The following ABHD8 variants were observed in gnomAD, a reference collection of about 807,000 sequenced individuals.
The protein encoded by ABHD8 is protein ABHD8.
In ABHD8, 10 loss-of-function variants were observed where a neutral mutation model predicts 29.3. That is an observed-to-expected ratio of 0.34 (90% CI 0.21 to 0.58). The LOEUF is 0.58. Ranked by LOEUF, ABHD8 falls within the 20% of genes least tolerant of loss-of-function variation. ABHD8 has a pLI of 0.85. For synonymous variants in ABHD8, 282 were observed against 274.6 expected, an observed-to-expected ratio of 1.03 and a Z score of -0.27; for missense variants, 556 against 615.3, an observed-to-expected ratio of 0.90 and a Z score of 1.02.
chr19:17,293,829 G>A (rs2074081517), intron 4 of ABHD8, among the ~76,000 whole-genome samples: 1 of 151,960 alleles, frequency 6.6e-6, no homozygotes, highest in African/African-American at 2.4e-5. Context: ...AAGTTGCAGC[G>A]ATTATTGGCG....
Position 17,292,481 on chromosome 19 carries a change from C to G in ABHD8, c.*180G>C, listed in dbSNP as rs1416877798. The G allele has an allele frequency of 1.4e-6, 1 of 703,146 alleles. No homozygotes were observed. The highest frequency in any genetic ancestry group is 1.9e-5 in the African/African-American group (1 of 52,770). 43.6% of individuals were successfully genotyped at this position (703,146 alleles called of 1,614,324 possible). Reference sequence around the variant, plus strand: ...GGGACGGAAGCGGAGAGCGGAATGTCCGCTGGGCTCCCTCGGATGCCACGC... The same window carrying G: ...GGGACGGAAGCGGAGAGCGGAATGTGCGCTGGGCTCCCTCGGATGCCACGC... On this transcript the variant is annotated 3_prime_UTR_variant, in exon 5 of 5. Transcript: ENST00000247706.
intron 2 of ABHD8, among the ~76,000 whole-genome samples, chr19:17,299,757 A>AT (rs145804251): frequency 0.063 from 9,614 of 151,898 alleles, 421 homozygotes; most frequent in Middle Eastern, 0.17. Flanking sequence ...GAAAAATGGG[A>AT]TTTTTTTCAA....
intron 2 of ABHD8, among the ~76,000 whole-genome samples, chr19:17,299,793 C>T (rs989748456): frequency 2.0e-5 from 3 of 151,552 alleles, no homozygotes; most frequent in Non-Finnish European, 4.4e-5. Flanking sequence ...TTTTTGTTTG[C>T]TTTGTTTTGT....
Position 17,292,191 on chromosome 19 carries a change from GC to G in ABHD8, c.*469del, listed in dbSNP as rs1314391475. 5 of 189,060 alleles carry G rather than the reference GC, an allele frequency of 2.6e-5. No individual in the cohort carries two copies. The East Asian group carries it at 5.0e-4, about 19-fold the overall frequency. The allele number at this position is 189,060 out of a possible 1,614,324, so 11.7% of individuals were successfully genotyped here. On this transcript the variant is annotated 3_prime_UTR_variant, in exon 5 of 5. Coordinates refer to ENST00000247706, the MANE Select transcript of ABHD8 (RefSeq NM_024527.5). ...GAGATGTGCAGGTTCGGTGGCGCCA[GC>G]CCCCCCATCCCCCCCCCTTGGGCAA... is the stretch of plus-strand genomic sequence containing the variant.
At position 17,301,348 on chromosome 19, in the gene ABHD8, A is replaced by G; in HGVS notation, c.269T>C (p.Leu90Ser). 1.2e-6 allele frequency: 2 copies of G among 1,609,524 alleles called. No individual in the cohort carries two copies. Among genetic ancestry groups the G allele is most frequent in the Non-Finnish European group, 1.7e-6 (2 of 1,179,886 alleles). ...GGCTCGGCCCAGGTTTTCCACCAGC[A>G]ACCGCCCATTGCGGTACACGGTGAT... ...RRITVYRNGRLLVENLGRAPR... is the reference protein window; with the variant it reads ...RRITVYRNGRSLVENLGRAPR... Residue 90 changes from leucine to serine, a missense_variant, in exon 2 of 5, where the codon TTG becomes TCG. Coordinates refer to ENST00000247706, the MANE Select transcript of ABHD8 (RefSeq NM_024527.5).
rs1568346128 is a variant in ABHD8, at chr19:17,292,482, C to T, written c.*179G>A. ...GGACGGAAGCGGAGAGCGGAATGTC[C>T]GCTGGGCTCCCTCGGATGCCACGCC... is the stretch of plus-strand genomic sequence containing the variant. On this transcript the variant is annotated 3_prime_UTR_variant, in exon 5 of 5. Coordinates refer to ENST00000247706, the MANE Select transcript of ABHD8 (RefSeq NM_024527.5). 8 of 709,076 alleles carry T rather than the reference C, an allele frequency of 1.1e-5. No individual in the cohort carries two copies. Among genetic ancestry groups the T allele is most frequent in the Middle Eastern group, 4.2e-4 (1 of 2,394 alleles). The allele number at this position is 709,076 out of a possible 1,614,324, so 43.9% of individuals were successfully genotyped here.
At position 17,292,370 on chromosome 19, in the gene ABHD8, T is replaced by TG; in HGVS notation, c.*290dup. ...GGGGGGCCTGCCTTGGCCGTGGCGT[T>TG]GGGGGGAAGGTGAGGGAGAGCTTCT... On this transcript the variant is annotated 3_prime_UTR_variant, in exon 5 of 5. Transcript: ENST00000247706. 2.3e-6 allele frequency: 1 copy of TG among 428,228 alleles called. No individual in the cohort carries two copies. The highest frequency in any genetic ancestry group is 4.1e-6 in the Non-Finnish European group (1 of 243,646). 26.5% of individuals were successfully genotyped at this position (428,228 alleles called of 1,614,324 possible). A position where few individuals can be genotyped will look rare whatever the true frequency, so the allele number is the denominator to read the frequency against.
intron 1 of ABHD8, 57 bp downstream of exon 1, chr19:17,303,185 C>A (rs1227359936): frequency 6.6e-6 from 1 of 152,370 alleles, no homozygotes; most frequent in East Asian, 1.9e-4. Flanking sequence ...CACCACTCCT[C>A]CGAAGTGGAG....
intron 2 of ABHD8, among the ~76,000 whole-genome samples, chr19:17,295,953 C>CT (rs1457008788): frequency 6.6e-5 from 10 of 151,740 alleles, no homozygotes; most frequent in African/African-American, 1.2e-4. Flanking sequence ...TCAAGTGATC[C>CT]TCTGGCCTTA....
In ABHD8 at chr19:17,294,533, C is replaced by T. The variant is rs77887041; in HGVS notation, c.933-29G>A. 1.4e-4 allele frequency: 228 copies of T among 1,613,128 alleles called. 1 individual carries two copies. The African/African-American group carries it at 2.7e-3, about 19-fold the overall frequency. ...GTGGTGGTGGAGGCACCGCTAGAGC[C>T]CCTTATGCCAGCCCGACTGCCGTGG... On this transcript the variant is annotated intron_variant, in intron 3 of 4. Transcript: ENST00000247706.
In ABHD8 at chr19:17,294,474, C is replaced by T. The variant is rs781423967; in HGVS notation, c.963G>A (p.Glu321=). 1.4e-5 allele frequency: 22 copies of T among 1,614,040 alleles called. No homozygotes were observed. In the South Asian group the frequency reaches 2.2e-4, roughly 16 times the overall value. ...CGTTGCCCTCCTTTAACAGCTGCTT[C>T]TCCTTGGCTCCTTGGCGGGCGAAGC... The part of the protein sequence containing the change: ...KAGFARQGAK[E]KQLLKEGNAF... The change falls in exon 4 of 5, where the codon GAG becomes GAA. Residue 321 remains glutamate (E), a synonymous_variant. Transcript: ENST00000247706.
At chr19:17,296,030 C>T (rs751922834) in intron 2 of ABHD8, among the ~76,000 whole-genome samples, 7 of 151,960 alleles carry the variant, frequency 4.6e-5, no homozygotes, top group African/African-American at 7.3e-5. Context: ...GGTTCATGTC[C>T]TCCCCCTACC....
intron 1 of ABHD8, 50 bp from the exon 2 acceptor site, chr19:17,301,674 T>C (rs756237719): frequency 6.8e-7 from 1 of 1,480,210 alleles, no homozygotes; most frequent in Non-Finnish European, 8.9e-7. Context: ...ATGAGAACCC[T>C]GCACCGTGCA....
At chr19:17,300,696 C>A (rs192097303) in intron 2 of ABHD8, among the ~76,000 whole-genome samples, 160 bp downstream of exon 2, 239 of 152,094 alleles carry the variant, frequency 1.6e-3, no homozygotes, top group African/African-American at 5.6e-3. Flanking sequence ...CAGACTGTTC[C>A]CGAACTCCCA....
chr19:17,301,906 G>T (rs1048631394), intron 1 of ABHD8, among the ~76,000 whole-genome samples: 2 of 152,020 alleles, frequency 1.3e-5, no homozygotes, highest in African/African-American at 2.4e-5. Context: ...CGATTCTCTT[G>T]CCTCAGCCTC....
Position 17,295,399 on chromosome 19 carries a change from G to A in ABHD8, c.762-554C>T, listed in dbSNP as rs552507319. ...TGGGATTACAGGCCTGAGCCACTGCGCCTGGCCTGGTTTGTTTTTGTTTTT... is the reference window on the plus strand; with the variant it reads ...TGGGATTACAGGCCTGAGCCACTGCACCTGGCCTGGTTTGTTTTTGTTTTT... On this transcript the variant is annotated intron_variant, in intron 2 of 4. Coordinates refer to ENST00000247706, the MANE Select transcript of ABHD8 (RefSeq NM_024527.5). Among the ~76,000 whole-genome samples, 50 of 151,370 alleles carry A rather than the reference G, an allele frequency of 3.3e-4. 1 individual carries two copies. Among genetic ancestry groups the A allele is most frequent in the African/African-American group, 1.2e-3 (48 of 41,212 alleles).
chr19:17,299,511 G>A (rs1186530023), intron 2 of ABHD8, among the ~76,000 whole-genome samples: 3 of 144,276 alleles, frequency 2.1e-5, no homozygotes, highest in Admixed American at 7.2e-5. Flanking sequence ...CAGTGAGCCA[G>A]GATCACGCCA....
At chr19:17,296,908 T>C (rs577439393) in intron 2 of ABHD8, among the ~76,000 whole-genome samples, 15 of 152,294 alleles carry the variant, frequency 9.8e-5, no homozygotes, top group African/African-American at 3.6e-4. Flanking sequence ...TTAGTCAGGC[T>C]GGTCTTGAAC....
intron 4 of ABHD8, among the ~76,000 whole-genome samples, chr19:17,293,043 A>G (rs2074077940): frequency 6.6e-6 from 1 of 151,406 alleles, no homozygotes; most frequent in Admixed American, 6.6e-5. Flanking sequence ...TCCAGCATTT[A>G]TTAAGTGTCT....
Sources: gnomAD v4.1 joint callset for allele counts (sites outside exome capture counted in the v4.1 genomes callset) on GRCh38, gnomAD v4.1.1 for gene constraint, MANE v1.5 for transcripts, NCBI Gene and HGNC (gene_info 2026-07-23, HGNC 2026-07-21) for gene names.